TMC1: variants seen among roughly 807,000 people sequenced by gnomAD.
TMC1 encodes transmembrane channel like 1.
A neutral mutation model predicts 105.8 loss-of-function variants in TMC1; 84 were observed. That is an observed-to-expected ratio of 0.79 (90% CI 0.67 to 0.95). The LOEUF (loss-of-function observed/expected upper bound fraction) is 0.95. Ranked by LOEUF, TMC1 falls within the 40% of genes least tolerant of loss-of-function variation. TMC1 has a pLI of 0.00. For synonymous variants in TMC1, 315 were observed against 311.5 expected (o/e 1.01, Z -0.12); for missense variants, 817 against 914.1 (o/e 0.89, Z 1.37).
chr9:72,816,493 C>T (rs554034582), intron 19 of TMC1, among the ~76,000 whole-genome samples: 19 of 152,088 alleles, frequency 1.2e-4, no homozygotes, highest in East Asian at 3.9e-4. Flanking sequence ...TATTTTGTGA[C>T]GCCAGGATCT....
chr9:72,762,013 A>T (rs1827763871), intron 12 of TMC1, among the ~76,000 whole-genome samples: 1 of 152,130 alleles, frequency 6.6e-6, no homozygotes, highest in South Asian at 2.1e-4. Flanking sequence ...TGGGGGAGGG[A>T]GGCGTGTGAA....
chr9:72,784,787 A>G, intron 13 of TMC1, among the ~76,000 whole-genome samples: 1 of 152,238 alleles, frequency 6.6e-6, no homozygotes, highest in Non-Finnish European at 1.5e-5. Context: ...ATGTCTTTGC[A>G]GCAACATTGA....
At chr9:72,666,901 A>T (rs1826053116) in intron 5 of TMC1, among the ~76,000 whole-genome samples, 1 of 150,780 alleles carries the variant, frequency 6.6e-6, no homozygotes, top group Admixed American at 6.6e-5. Flanking sequence ...ACAAAACAAA[A>T]CAAAACAAAA....
chr9:72,649,403 G>A (rs1300344090), intron 5 of TMC1, among the ~76,000 whole-genome samples: 1 of 152,120 alleles, frequency 6.6e-6, no homozygotes, highest in African/African-American at 2.4e-5. Flanking sequence ...TGTATAGACT[G>A]TCTAGTCCAG....
chr9:72,716,929 A>G (rs978043905), intron 8 of TMC1, among the ~76,000 whole-genome samples: 10 of 152,208 alleles, frequency 6.6e-5, no homozygotes, highest in Admixed American at 6.5e-4. Context: ...CCTGGTCTGC[A>G]GGTTGTGAAG....
At chr9:72,724,119 C>T (rs949285760) in intron 8 of TMC1, among the ~76,000 whole-genome samples, 35 of 152,292 alleles carry the variant, frequency 2.3e-4, no homozygotes, top group Non-Finnish European at 2.6e-4. Flanking sequence ...CTAATTTCCA[C>T]GGACATTTAA....
chr9:72,817,372 A>C (rs1026433736), intron 19 of TMC1: 1 of 152,138 alleles, frequency 6.6e-6, no homozygotes, highest in Non-Finnish European at 1.5e-5. Flanking sequence ...CTAAGGAAGG[A>C]AATGCATCCT....
chr9:72,525,667 ATCTC>A (rs944222201), intron 1 of TMC1, among the ~76,000 whole-genome samples: 1 of 152,120 alleles, frequency 6.6e-6, no homozygotes, highest in Non-Finnish European at 1.5e-5. Flanking sequence ...GAACTGTTGT[ATCTC>A]TCTCCTTGCT....
rs1056510041 is a variant in TMC1, at chr9:72,696,780, A to G, written c.236+2066A>G. 5.3e-5 allele frequency among the ~76,000 whole-genome samples: 8 copies of G among 152,164 alleles called. No individual in the cohort carries two copies. In the South Asian group the frequency reaches 8.3e-4, roughly 16 times the overall value. On this transcript the variant is annotated intron_variant, in intron 7 of 23. Transcript: ENST00000297784. ...TTTTAAGTGGATAAGTAATATATTC[A>G]TAGCAGTGAGAAATTCAGCATATTA...
At chr9:72,548,509 T>C (rs1184486967) in intron 1 of TMC1, among the ~76,000 whole-genome samples, 1 of 150,322 alleles carries the variant, frequency 6.7e-6, no homozygotes, top group East Asian at 2.0e-4. Flanking sequence ...ACCCGGGAGG[T>C]TCATTCAAGA....
intron 12 of TMC1, 58 bp from the exon 13 acceptor site, chr9:72,772,355 T>C: frequency 6.2e-7 from 1 of 1,610,304 alleles, no homozygotes; most frequent in Non-Finnish European, 8.5e-7. Context: ...AGAGTTGATC[T>C]TTTCCTTTGA....
At chr9:72,616,072 G>A (rs1825123388) in intron 2 of TMC1, among the ~76,000 whole-genome samples, 1 of 152,098 alleles carries the variant, frequency 6.6e-6, no homozygotes, top group East Asian at 1.9e-4. Flanking sequence ...TGATGCTTAG[G>A]GATGAAAGTG....
intron 7 of TMC1, among the ~76,000 whole-genome samples, chr9:72,697,033 C>G (rs535956965): frequency 6.6e-6 from 1 of 152,146 alleles, no homozygotes; most frequent in South Asian, 2.1e-4. Context: ...ACAACTGTAC[C>G]CTGTAACACA....
chr9:72,612,413 A>G (rs1367607648), intron 2 of TMC1, among the ~76,000 whole-genome samples: 4 of 151,592 alleles, frequency 2.6e-5, no homozygotes, highest in South Asian at 2.1e-4. Flanking sequence ...GGCTCAAGCA[A>G]TCCTCCCACC....
In TMC1 at chr9:72,791,972, C is replaced by T. The variant is rs537381495; in HGVS notation, c.1311C>T (p.Ile437=). The change falls in exon 16 of 24, where the codon ATC becomes ATT. Residue 437 remains isoleucine, a synonymous_variant. Coordinates refer to ENST00000297784, the MANE Select transcript of TMC1 (RefSeq NM_138691.3). ...FAELEDYHPL[I]ALKWLLGRIF... is the part of the protein sequence containing the mutation. ...AATTAGAAGACTACCATCCTCTCAT[C>T]GCTTTGAAATGGCTACTGGGACGCA... is the stretch of plus-strand genomic sequence containing the variant. The T allele has an allele frequency of 1.4e-5, 23 of 1,614,000 alleles. No homozygotes were observed. Among genetic ancestry groups the T allele is most frequent in the Non-Finnish European group, 1.7e-5 (20 of 1,179,906 alleles).
At chr9:72,609,017 T>C (rs955568036) in intron 2 of TMC1, among the ~76,000 whole-genome samples, 36 of 152,192 alleles carry the variant, frequency 2.4e-4, no homozygotes, top group Middle Eastern at 3.4e-3. Flanking sequence ...ACCTGCTATC[T>C]CTGATCTTTC....
intron 3 of TMC1, among the ~76,000 whole-genome samples, chr9:72,623,147 G>GTTTTTTTTTTTTTCTTTT (rs1825285785): frequency 3.5e-5 from 4 of 113,676 alleles, no homozygotes; most frequent in Non-Finnish European, 6.9e-5. Flanking sequence ...CTCTCTCCCT[G>GTTTTTTTTTTTTTCTTTT]TTTTTTTTTT....
At chr9:72,711,778 T>A (rs935619256) in intron 8 of TMC1, among the ~76,000 whole-genome samples, 2 of 152,232 alleles carry the variant, frequency 1.3e-5, no homozygotes, top group African/African-American at 4.8e-5. Context: ...TGTAATTAGA[T>A]CCCATTTGTA....
At chr9:72,793,184 T>C (rs939109261) in intron 17 of TMC1, among the ~76,000 whole-genome samples, 5 of 152,114 alleles carry the variant, frequency 3.3e-5, no homozygotes, top group Non-Finnish European at 7.4e-5. Flanking sequence ...CTTTTTGGGC[T>C]TCCTGTCAAA....
Sources: gnomAD v4.1 joint callset for allele counts (sites outside exome capture counted in the v4.1 genomes callset) on GRCh38, gnomAD v4.1.1 for gene constraint, MANE v1.5 for transcripts, NCBI Gene and HGNC (gene_info 2026-07-23, HGNC 2026-07-21) for gene names.